Variants in TENM2 observed in about 807,000 individuals in gnomAD.
TENM2 encodes the protein teneurin transmembrane protein 2, also known as teneurin-2.
TENM2 carries 52 observed loss-of-function variants against 245.2 expected under a neutral mutation model. The ratio of observed to expected loss-of-function variants is 0.21; its 90% CI spans 0.17 to 0.27. The LOEUF (loss-of-function observed/expected upper bound fraction) is 0.27. Among genes scored for constraint, TENM2 ranks in the 10% least tolerant of loss-of-function variants. TENM2 has a pLI of 1.00. For missense variants in TENM2, 3,046 were observed against 3,666.8 expected, an observed-to-expected ratio of 0.83 and a Z score of 4.37; for synonymous variants, 1,363 against 1,438.9, an observed-to-expected ratio of 0.95 and a Z score of 1.19.
At chr5:166,983,515 T>C in the TENM2 span, among the ~76,000 whole-genome samples, 1 of 152,118 alleles carries the variant, frequency 6.6e-6, no homozygotes, top group Non-Finnish European at 1.5e-5. Context: ...ACACTTTTCC[T>C]ATGAGTTTGA....
intron 5 of TENM2, among the ~76,000 whole-genome samples, chr5:168,029,251 C>A (rs1204587888): frequency 6.6e-6 from 1 of 152,180 alleles, no homozygotes; most frequent in African/African-American, 2.4e-5. Context: ...TGGTTAGGAT[C>A]TCAACATACG....
chr5:167,699,625 A>G (rs1219898701), intron 2 of TENM2, among the ~76,000 whole-genome samples: 1 of 152,198 alleles, frequency 6.6e-6, no homozygotes, highest in Non-Finnish European at 1.5e-5. Flanking sequence ...TTATCTTTGT[A>G]AGAATTCTGA....
chr5:167,245,964 G>A, the TENM2 span, among the ~76,000 whole-genome samples: 1 of 152,154 alleles, frequency 6.6e-6, no homozygotes, highest in Admixed American at 6.5e-5. Context: ...GGTAGACACA[G>A]AAAATGACAG....
At chr5:167,282,341 T>G (rs1407846951), upstream of TENM2, among the ~76,000 whole-genome samples, 1 of 152,214 alleles carries the variant, frequency 6.6e-6, no homozygotes, top group African/African-American at 2.4e-5. Flanking sequence ...GAGCCTAGCT[T>G]AAGAATTAGG....
At chr5:168,069,544 G>A (rs554532249) in intron 7 of TENM2, among the ~76,000 whole-genome samples, 1 of 152,314 alleles carries the variant, frequency 6.6e-6, no homozygotes, top group Admixed American at 6.5e-5. Flanking sequence ...AGCACTATCT[G>A]AGGGCCACAA....
chr5:168,065,099 T>C (rs769560255), intron 7 of TENM2, among the ~76,000 whole-genome samples: 4 of 152,124 alleles, frequency 2.6e-5, no homozygotes, highest in African/African-American at 4.8e-5. Context: ...GGTGACTCAT[T>C]TGAGCTGGAA....
At chr5:167,974,525 T>C (rs926848408) in intron 4 of TENM2, among the ~76,000 whole-genome samples, 4 of 152,140 alleles carry the variant, frequency 2.6e-5, no homozygotes, top group African/African-American at 9.7e-5. Flanking sequence ...CATTGATAAT[T>C]ATCTGCATAA....
At chr5:167,897,732 G>T (rs957691464) in intron 3 of TENM2, among the ~76,000 whole-genome samples, 1 of 152,142 alleles carries the variant, frequency 6.6e-6, no homozygotes, top group African/African-American at 2.4e-5. Flanking sequence ...CCTCAGGTTT[G>T]TCAAAGGGTC....
intron 4 of TENM2, among the ~76,000 whole-genome samples, chr5:167,955,594 G>T (rs1177920536): frequency 6.6e-6 from 1 of 152,110 alleles, no homozygotes; most frequent in Admixed American, 6.5e-5. Context: ...GGTTTTTATG[G>T]TTTTAGGTTT....
At chr5:167,627,816 C>A (rs566305202) in intron 2 of TENM2, among the ~76,000 whole-genome samples, 79 of 152,248 alleles carry the variant, frequency 5.2e-4, no homozygotes, top group Non-Finnish European at 9.3e-4. Context: ...CTCAGCCTCC[C>A]AATGTGTTGG....
intron 2 of TENM2, among the ~76,000 whole-genome samples, chr5:167,410,238 C>G (rs528613243): frequency 6.6e-6 from 1 of 152,058 alleles, no homozygotes; most frequent in African/African-American, 2.4e-5. Flanking sequence ...AAATAGCAAT[C>G]AAAGCATTCA....
intron 3 of TENM2, among the ~76,000 whole-genome samples, chr5:167,943,626 G>A (rs1040480716): frequency 1.3e-5 from 2 of 152,160 alleles, no homozygotes; most frequent in Non-Finnish European, 2.9e-5. Flanking sequence ...GGAATGAGAG[G>A]AGTTTAAATT....
chr5:167,801,894 G>A (rs1192595758), intron 2 of TENM2, among the ~76,000 whole-genome samples: 2 of 64,322 alleles, frequency 3.1e-5, no homozygotes, highest in Non-Finnish European at 6.1e-5. Flanking sequence ...AACAAAACAT[G>A]CACACACACA....
chr5:167,997,081 C>T (rs1387964459), intron 5 of TENM2, among the ~76,000 whole-genome samples: 3 of 152,108 alleles, frequency 2.0e-5, no homozygotes, highest in East Asian at 3.9e-4. Flanking sequence ...TGAATCATAT[C>T]CCCAGTCGTC....
chr5:167,585,714 T>TA (rs1439968638), intron 2 of TENM2, among the ~76,000 whole-genome samples: 1 of 152,120 alleles, frequency 6.6e-6, no homozygotes, highest in Admixed American at 6.5e-5. Flanking sequence ...AATAATAGAA[T>TA]AAAAATGTTA....
chr5:167,476,892 C>T (rs913799915), intron 2 of TENM2, among the ~76,000 whole-genome samples: 13 of 152,124 alleles, frequency 8.5e-5, no homozygotes, highest in African/African-American at 3.1e-4. Context: ...AGCCACTGTG[C>T]CCAGCCAATA....
At chr5:167,351,446 A>G (rs1177197703) in intron 1 of TENM2, among the ~76,000 whole-genome samples, 2 of 152,134 alleles carry the variant, frequency 1.3e-5, no homozygotes, top group African/African-American at 2.4e-5. Context: ...TCTGCTTCAC[A>G]AGAACTAGAC....
chr5:167,873,366 C>G (rs1251523812), intron 2 of TENM2, among the ~76,000 whole-genome samples: 1 of 152,044 alleles, frequency 6.6e-6, no homozygotes, highest in African/African-American at 2.4e-5. Context: ...CACTTCTTCC[C>G]TTTTTTTCTC....
chr5:167,959,856 T>C lies in TENM2; in HGVS notation c.947+7034T>C, dbSNP rs551933923. 1.5e-4 allele frequency among the ~76,000 whole-genome samples: 23 copies of C among 152,368 alleles called. No homozygotes were observed. In the South Asian group the frequency reaches 4.3e-3, roughly 29 times the overall value. ...TGTGGATTTATCTACCTTTGGTCTT[T>C]GATGTTGGTGACCTTCAGATGGGTT... On this transcript the variant is annotated intron_variant, in intron 4 of 28. Transcript: ENST00000518659.
Sources: allele counts gnomAD v4.1 joint callset (sites outside exome capture counted in the v4.1 genomes callset), GRCh38; gene constraint gnomAD v4.1.1; transcripts MANE v1.5; gene names NCBI Gene and HGNC (gene_info 2026-07-23, HGNC 2026-07-21).